The following LINGO2 variants were observed in gnomAD, a reference collection of about 807,000 sequenced individuals.
LINGO2 encodes leucine-rich repeat and immunoglobulin-like domain-containing nogo receptor-interacting protein 2.
In LINGO2, 14 loss-of-function variants were observed where a neutral mutation model predicts 30.6. The ratio of observed to expected loss-of-function variants is 0.46; its 90% CI spans 0.30 to 0.72. LINGO2 has a LOEUF of 0.72. Among genes scored for constraint, LINGO2 ranks in the 30% least tolerant of loss-of-function variants. The pLI, the probability that LINGO2 is intolerant of heterozygous loss-of-function variation, is 0.07. For synonymous variants in LINGO2, 317 were observed against 288.5 expected, an observed-to-expected ratio of 1.10 and a Z score of -1.00; for missense variants, 729 against 751.7, an observed-to-expected ratio of 0.97 and a Z score of 0.35.
At chr9:29,208,728 C>T in the LINGO2 span, among the ~76,000 whole-genome samples, 2 of 152,004 alleles carry the variant, frequency 1.3e-5, no homozygotes, top group Non-Finnish European at 2.9e-5. Flanking sequence ...TTAAACATTC[C>T]CATTGTACAG....
chr9:29,079,197 A>G, the LINGO2 span, among the ~76,000 whole-genome samples: 1 of 152,002 alleles, frequency 6.6e-6, no homozygotes. Context: ...GAAGACAAGC[A>G]CCACATAAAT....
chr9:28,962,765 TTATTA>T, the LINGO2 span, among the ~76,000 whole-genome samples: 1 of 151,696 alleles, frequency 6.6e-6, no homozygotes, highest in Non-Finnish European at 1.5e-5. Flanking sequence ...ATCTATACAT[TTATTA>T]TATTATTTTG....
chr9:28,185,128 T>G (rs559785003), intron 4 of LINGO2, among the ~76,000 whole-genome samples: 1 of 152,306 alleles, frequency 6.6e-6, no homozygotes, highest in East Asian at 1.9e-4. Context: ...TTCAGAACAT[T>G]ATTACTTTGG....
At chr9:29,015,678 T>C in the LINGO2 span, among the ~76,000 whole-genome samples, 1 of 152,096 alleles carries the variant, frequency 6.6e-6, no homozygotes, top group Non-Finnish European at 1.5e-5. Context: ...AAAAAATATA[T>C]AGGGTAATGC....
chr9:28,619,646 G>A (rs1034692929), intron 1 of LINGO2, among the ~76,000 whole-genome samples: 5 of 152,070 alleles, frequency 3.3e-5, no homozygotes, highest in Admixed American at 1.3e-4. Flanking sequence ...TGATTTCAAT[G>A]TTGTTTAGGC....
At chr9:28,953,283 G>T in the LINGO2 span, among the ~76,000 whole-genome samples, 1 of 152,070 alleles carries the variant, frequency 6.6e-6, no homozygotes, top group African/African-American at 2.4e-5. Context: ...GGTATGAGGA[G>T]ATAGAAAGTT....
chr9:28,764,520 C>T, the LINGO2 span, among the ~76,000 whole-genome samples: 1 of 151,850 alleles, frequency 6.6e-6, no homozygotes, highest in African/African-American at 2.4e-5. Flanking sequence ...CAGTAAAGGC[C>T]ATATCTAAGC....
chr9:28,678,665 C>T, the LINGO2 span, among the ~76,000 whole-genome samples: 1,894 of 152,198 alleles, frequency 0.012, 24 homozygotes, highest in Non-Finnish European at 0.019. Flanking sequence ...GTTTATACAA[C>T]TAAGCACTCA....
intron 4 of LINGO2, among the ~76,000 whole-genome samples, chr9:28,060,451 T>A (rs1380449956): frequency 2.6e-5 from 4 of 152,182 alleles, no homozygotes; most frequent in African/African-American, 9.6e-5. Flanking sequence ...ACATTTAATC[T>A]TTCATAAGTA....
chr9:28,571,208 G>A (rs893238073), intron 1 of LINGO2, among the ~76,000 whole-genome samples: 3 of 151,888 alleles, frequency 2.0e-5, no homozygotes, highest in African/African-American at 7.2e-5. Context: ...TTGGCTGGGG[G>A]AAAATGCATT....
At chr9:29,081,754 G>C in the LINGO2 span, among the ~76,000 whole-genome samples, 1 of 152,120 alleles carries the variant, frequency 6.6e-6, no homozygotes, top group Non-Finnish European at 1.5e-5. Flanking sequence ...CAAAATCAAT[G>C]TGCAAAATTC....
intron 5 of LINGO2, among the ~76,000 whole-genome samples, chr9:27,997,407 T>G (rs1352923214): frequency 6.6e-6 from 1 of 151,250 alleles, no homozygotes; most frequent in African/African-American, 2.4e-5. Flanking sequence ...CCTCCCCCCG[T>G]CATAAGTGAG....
At chr9:27,964,970 G>A (rs757151455) in intron 5 of LINGO2, among the ~76,000 whole-genome samples, 16 of 152,018 alleles carry the variant, frequency 1.1e-4, no homozygotes, top group Non-Finnish European at 1.9e-4. Flanking sequence ...AAAAACCTCT[G>A]GAAATGCAGA....
the LINGO2 span, among the ~76,000 whole-genome samples, chr9:28,768,581 A>G: frequency 6.6e-6 from 1 of 150,610 alleles, no homozygotes; most frequent in South Asian, 2.1e-4. Context: ...GGGTTTGTTA[A>G]TATTTCCAGA....
chr9:28,838,983 G>A, the LINGO2 span, among the ~76,000 whole-genome samples: 4 of 152,316 alleles, frequency 2.6e-5, no homozygotes, highest in East Asian at 7.7e-4. Flanking sequence ...GGCTGCAGCT[G>A]GACCAGGCAT....
intron 4 of LINGO2, among the ~76,000 whole-genome samples, chr9:28,212,706 T>C (rs1045862932): frequency 3.3e-5 from 5 of 151,364 alleles, no homozygotes; most frequent in Admixed American, 1.3e-4. Flanking sequence ...TAAATAAAAT[T>C]AAATAAAATT....
intron 1 of LINGO2, among the ~76,000 whole-genome samples, chr9:28,498,286 T>A (rs1169470630): frequency 6.6e-6 from 1 of 152,176 alleles, no homozygotes; most frequent in African/African-American, 2.4e-5. Context: ...CAGGCCTCCT[T>A]GAGCAGCGGT....
chr9:28,589,579 G>A (rs1370300611), intron 1 of LINGO2, among the ~76,000 whole-genome samples: 1 of 152,050 alleles, frequency 6.6e-6, no homozygotes, highest in Non-Finnish European at 1.5e-5. Context: ...AAATACCTAG[G>A]AATCCAACTT....
chr9:27,950,102 T>C (rs1276559688), exon 6 of LINGO2: 1 of 1,613,964 alleles, frequency 6.2e-7, no homozygotes, highest in African/African-American at 1.3e-5. Context: ...TTGGTACTGC[T>C]GTTAAGTTGC....
Sources: allele counts gnomAD v4.1 joint callset (sites outside exome capture counted in the v4.1 genomes callset), GRCh38; gene constraint gnomAD v4.1.1; transcripts MANE v1.5; gene names NCBI Gene and HGNC (gene_info 2026-07-23, HGNC 2026-07-21).